PRKN: variants seen among roughly 807,000 people sequenced by gnomAD.
The protein encoded by PRKN is parkin RBR E3 ubiquitin protein ligase, also known as E3 ubiquitin-protein ligase parkin.
PRKN carries 56 observed loss-of-function variants against 59.5 expected under a neutral mutation model. That is an observed-to-expected ratio of 0.94 (90% confidence interval 0.76 to 1.18). The LOEUF is 1.18. Ranked by LOEUF, PRKN falls within the 50% of genes most tolerant of loss-of-function variation. The pLI, the probability that PRKN is intolerant of heterozygous loss-of-function variation, is 0.00. For missense variants in PRKN, 657 were observed against 596.4 expected, an observed-to-expected ratio of 1.10 and a Z score of -1.06; for synonymous variants, 250 against 222.1, an observed-to-expected ratio of 1.13 and a Z score of -1.12.
chr6:162,055,257 A>C (rs1777811180), intron 4 of PRKN, among the ~76,000 whole-genome samples: 1 of 152,220 alleles, frequency 6.6e-6, no homozygotes, highest in Non-Finnish European at 1.5e-5. Flanking sequence ...CCAGATCCTC[A>C]AATCTTCTAA....
At chr6:161,852,000 T>A (rs1377922625) in intron 6 of PRKN, among the ~76,000 whole-genome samples, 1 of 150,352 alleles carries the variant, frequency 6.7e-6, no homozygotes, top group Non-Finnish European at 1.5e-5. Flanking sequence ...GGCAGGAGAA[T>A]CTCTTGAACC....
intron 1 of PRKN, among the ~76,000 whole-genome samples, chr6:162,548,250 G>C (rs1183434949): frequency 6.6e-6 from 1 of 151,660 alleles, no homozygotes; most frequent in Non-Finnish European, 1.5e-5. Context: ...AGTAGAGATG[G>C]GTTTCACCAT....
chr6:161,622,233 T>C (rs1782932703), intron 7 of PRKN, among the ~76,000 whole-genome samples: 1 of 152,172 alleles, frequency 6.6e-6, no homozygotes, highest in Non-Finnish European at 1.5e-5. Flanking sequence ...TGCTAACTTC[T>C]TTGAAAAGGG....
intron 9 of PRKN, among the ~76,000 whole-genome samples, chr6:161,422,197 C>CT (rs527857631): frequency 0.043 from 5,542 of 130,060 alleles, 413 homozygotes; most frequent in African/African-American, 0.14. Flanking sequence ...CAAATAAAAT[C>CT]TTTTTTTTTT....
chr6:162,448,996 T>G (rs1790458062), intron 1 of PRKN, among the ~76,000 whole-genome samples: 1 of 151,890 alleles, frequency 6.6e-6, no homozygotes. Context: ...CAAGCAATTC[T>G]CCTGCCTCAG....
At chr6:161,880,821 C>T (rs1334406531) in intron 6 of PRKN, among the ~76,000 whole-genome samples, 1 of 152,158 alleles carries the variant, frequency 6.6e-6, no homozygotes, top group Non-Finnish European at 1.5e-5. Flanking sequence ...GCTTCCAAGA[C>T]AGCCGGAAAG....
intron 2 of PRKN, among the ~76,000 whole-genome samples, chr6:162,292,003 A>T (rs1781452977): frequency 7.0e-6 from 1 of 143,116 alleles, no homozygotes; most frequent in Admixed American, 7.3e-5. Context: ...CACTCTTGTC[A>T]TCCAGGCTGG....
chr6:162,365,489 C>T (rs570862696), intron 2 of PRKN, among the ~76,000 whole-genome samples: 5 of 152,140 alleles, frequency 3.3e-5, no homozygotes, highest in South Asian at 2.1e-4. Flanking sequence ...TACTATAGCC[C>T]GTGGACTCTT....
intron 6 of PRKN, among the ~76,000 whole-genome samples, chr6:161,891,306 G>T (rs1052052278): frequency 6.6e-6 from 1 of 152,308 alleles, no homozygotes; most frequent in Admixed American, 6.5e-5. Context: ...GGCACAGCTT[G>T]TGCTGTTCAA....
intron 5 of PRKN, among the ~76,000 whole-genome samples, chr6:162,005,222 T>C (rs763150194): frequency 2.6e-5 from 4 of 152,332 alleles, no homozygotes; most frequent in Non-Finnish European, 4.4e-5. Context: ...TCTCAAACTT[T>C]GGGGACTTTT....
chr6:161,772,869 A>G (rs1789753626), intron 7 of PRKN, among the ~76,000 whole-genome samples: 1 of 152,222 alleles, frequency 6.6e-6, no homozygotes, highest in African/African-American at 2.4e-5. Context: ...AATAATTTGC[A>G]CATATATTCA....
intron 5 of PRKN, among the ~76,000 whole-genome samples, chr6:162,000,062 T>G (rs571244205): frequency 6.6e-6 from 1 of 152,280 alleles, no homozygotes; most frequent in African/African-American, 2.4e-5. Context: ...ACATCTTGGC[T>G]GCTTCCAAGT....
Position 162,722,377 on chromosome 6 carries a change from G to C in PRKN, c.7+5285C>G, listed in dbSNP as rs998716900. ...CTTTTAACCAAGATTCTATGCTACAGGATGAAGTAAATAAGCCAGGGAGGT... is the reference window on the plus strand; with the variant it reads ...CTTTTAACCAAGATTCTATGCTACACGATGAAGTAAATAAGCCAGGGAGGT... On this transcript the variant is annotated intron_variant, in intron 1 of 11. Coordinates refer to ENST00000366898, the MANE Select transcript of PRKN (RefSeq NM_004562.3). 2.0e-5 allele frequency among the ~76,000 whole-genome samples: 3 copies of C among 152,320 alleles called. No homozygotes were observed. The South Asian group carries it at 6.2e-4, about 32-fold the overall frequency.
chr6:161,878,095 G>T (rs549431121), intron 6 of PRKN, among the ~76,000 whole-genome samples: 3 of 152,104 alleles, frequency 2.0e-5, no homozygotes, highest in Admixed American at 2.0e-4. Flanking sequence ...CTACACAGTC[G>T]GCTGGAGGGA....
At chr6:162,451,860 A>C (rs1388647275) in intron 1 of PRKN, among the ~76,000 whole-genome samples, 1 of 152,184 alleles carries the variant, frequency 6.6e-6, no homozygotes, top group African/African-American at 2.4e-5. Flanking sequence ...TGATGAAATA[A>C]ATAAATTTAC....
intron 7 of PRKN, among the ~76,000 whole-genome samples, chr6:161,672,552 G>T (rs1784946901): frequency 6.6e-6 from 1 of 152,166 alleles, no homozygotes; most frequent in African/African-American, 2.4e-5. Context: ...AAAGCCAGTG[G>T]ATCACCTGAG....
chr6:162,031,081 T>C (rs1188281946), intron 5 of PRKN, among the ~76,000 whole-genome samples: 2 of 152,192 alleles, frequency 1.3e-5, no homozygotes, highest in East Asian at 3.9e-4. Flanking sequence ...ACTTTGATGT[T>C]GGCCAACTTG....
chr6:162,238,485 G>T (rs1233872984), intron 3 of PRKN, among the ~76,000 whole-genome samples: 6 of 152,184 alleles, frequency 3.9e-5, no homozygotes, highest in Non-Finnish European at 8.8e-5. Context: ...GAAGACATAA[G>T]CTCTAATTCT....
chr6:162,185,290 C>A (rs1248962704), intron 4 of PRKN, among the ~76,000 whole-genome samples: 2 of 151,976 alleles, frequency 1.3e-5, no homozygotes, highest in Non-Finnish European at 1.5e-5. Context: ...TTACTTTTTC[C>A]CCCCACTAAA....
Sources: gnomAD v4.1 joint callset for allele counts (sites outside exome capture counted in the v4.1 genomes callset) on GRCh38, gnomAD v4.1.1 for gene constraint, MANE v1.5 for transcripts, NCBI Gene and HGNC (gene_info 2026-07-23, HGNC 2026-07-21) for gene names.